Variants in PPP4R1 observed in about 807,000 individuals in gnomAD.
PPP4R1 encodes serine/threonine-protein phosphatase 4 regulatory subunit 1.
Under a neutral mutation model 111.2 loss-of-function variants are expected in PPP4R1, and 42 were observed. That is an observed-to-expected ratio of 0.38 (90% CI 0.29 to 0.49). The LOEUF is 0.49. Ranked by LOEUF, PPP4R1 falls within the 20% of genes least tolerant of loss-of-function variation. PPP4R1 has a pLI of 0.97. For synonymous variants in PPP4R1, 409 were observed against 405.5 expected (o/e 1.01, Z -0.10); for missense variants, 1,012 against 1,161.6 (o/e 0.87, Z 1.87).
At chr18:9,597,419 A>G (rs115461042) in intron 2 of PPP4R1, among the ~76,000 whole-genome samples, 4,905 of 152,298 alleles carry the variant, frequency 0.032, 87 homozygotes, top group Middle Eastern at 0.037. Flanking sequence ...CTTCACAGAG[A>G]AAGAACTTTA....
At chr18:9,616,608 C>A (rs761430607), upstream of PPP4R1, among the ~76,000 whole-genome samples, 1 of 152,064 alleles carries the variant, frequency 6.6e-6, no homozygotes, top group Non-Finnish European at 1.5e-5. Context: ...GTGGTCTCAC[C>A]GCAACAACAC....
intron 18 of PPP4R1, 114 bp from the exon 19 acceptor site, chr18:9,549,452 T>A (rs1207967545): frequency 1.1e-5 from 15 of 1,305,052 alleles, no homozygotes; most frequent in South Asian, 1.4e-5. Flanking sequence ...TATTGCTTTT[T>A]AACCAAAATT....
chr18:9,562,838 T>G, intron 12 of PPP4R1: 1 of 979,724 alleles, frequency 1.0e-6, no homozygotes, highest in Non-Finnish European at 1.2e-6. Flanking sequence ...GCTGGCTTGA[T>G]GGAGATGCAG....
At chr18:9,566,280 G>A (rs929021914) in intron 11 of PPP4R1, among the ~76,000 whole-genome samples, 39 of 152,052 alleles carry the variant, frequency 2.6e-4, no homozygotes, top group African/African-American at 9.2e-4. Flanking sequence ...CCTAGCTAAA[G>A]AGAAGTCAAT....
In PPP4R1 at chr18:9,546,957, A is replaced by C. The variant is rs1356909853; in HGVS notation, c.*832T>G. ...TTATTTGGACAAGAGAACTTGTGCC[A>C]CAACAGTTTAAACAGCATGATTAAA... On this transcript the variant is annotated 3_prime_UTR_variant, in exon 20 of 20. Transcript: ENST00000400556. The C allele has an allele frequency of 6.6e-6, 1 of 152,310 alleles. No individual in the cohort carries two copies. Among genetic ancestry groups the C allele is most frequent in the Non-Finnish European group, 1.5e-5 (1 of 68,046 alleles). The allele number at this position is 152,310 out of a possible 1,614,324, so 9.4% of individuals were successfully genotyped here. A position where few individuals can be genotyped will look rare whatever the true frequency, so the allele number is the denominator to read the frequency against.
In PPP4R1 at chr18:9,614,534, G is replaced by A; in HGVS notation, c.-50C>T. On this transcript the variant is annotated 5_prime_UTR_variant, in exon 1 of 20. Transcript: ENST00000400556. This position sits in a 1 kb window ranked among gnomAD's most constrained non-coding sequence, Gnocchi z 4.1. ...GCCGCCCGGGGAGCCGGGGCTACATGGAGCGGCGCGAGCCGGGGAGCCGGT... is the reference window on the plus strand; with the variant it reads ...GCCGCCCGGGGAGCCGGGGCTACATAGAGCGGCGCGAGCCGGGGAGCCGGT... 3 of 1,004,734 alleles carry A rather than the reference G, an allele frequency of 3.0e-6. No individual in the cohort carries two copies. The highest frequency in any genetic ancestry group is 3.6e-6 in the Non-Finnish European group (3 of 843,740). 62.2% of individuals were successfully genotyped at this position (1,004,734 alleles called of 1,614,324 possible).
chr18:9,599,234 T>C (rs1421805418), intron 2 of PPP4R1, among the ~76,000 whole-genome samples: 1 of 152,204 alleles, frequency 6.6e-6, no homozygotes, highest in Admixed American at 6.5e-5. Context: ...TATACTGTTA[T>C]AAAGCTCTTA....
intron 2 of PPP4R1, among the ~76,000 whole-genome samples, chr18:9,595,651 AAAC>A (rs1248020594): frequency 6.6e-6 from 1 of 152,214 alleles, no homozygotes; most frequent in Non-Finnish European, 1.5e-5. Context: ...GATGCTGGAG[AAAC>A]AACAATGAAA....
chr18:9,595,291 G>T, intron 2 of PPP4R1, 138 bp from the exon 3 acceptor site: 1 of 889,590 alleles, frequency 1.1e-6, no homozygotes. Flanking sequence ...CAATCCAGAA[G>T]CCACAAATAA....
In PPP4R1 at chr18:9,547,755, A is replaced by G. The variant is rs764498432; in HGVS notation, c.*34T>C. ...GAATGCCCACTGAACCTCGGCTCTC[A>G]TGGAAGCAGGAAAGACACCGAGATT... On this transcript the variant is annotated 3_prime_UTR_variant, in exon 20 of 20. Transcript: ENST00000400556. 1 of 1,609,450 alleles carries G rather than the reference A, an allele frequency of 6.2e-7. No homozygotes were observed. The highest frequency in any genetic ancestry group is 1.1e-5 in the South Asian group (1 of 90,932).
intron 2 of PPP4R1, among the ~76,000 whole-genome samples, chr18:9,606,808 G>C (rs2067489135): frequency 1.3e-5 from 2 of 152,114 alleles, no homozygotes; most frequent in African/African-American, 4.8e-5. Flanking sequence ...CAGAAAGGTA[G>C]TATAACAAAG....
At chr18:9,560,053 A>C (rs1235404749) in intron 13 of PPP4R1, among the ~76,000 whole-genome samples, 1 of 151,854 alleles carries the variant, frequency 6.6e-6, no homozygotes, top group Non-Finnish European at 1.5e-5. Flanking sequence ...CAGCACTTTG[A>C]GAAGCCAAGG....
chr18:9,548,131 AAG>A (rs2066428471), intron 19 of PPP4R1, among the ~76,000 whole-genome samples, 179 bp from the exon 20 acceptor site: 1 of 152,206 alleles, frequency 6.6e-6, no homozygotes, highest in Non-Finnish European at 1.5e-5. Flanking sequence ...CCAGAATAAA[AAG>A]AGTTATGAGA....
intron 9 of PPP4R1, among the ~76,000 whole-genome samples, chr18:9,578,293 T>C (rs1194802514): frequency 1.3e-5 from 2 of 152,194 alleles, no homozygotes; most frequent in African/African-American, 4.8e-5. Context: ...TGGAAAACAG[T>C]GGTGCTACCA....
At chr18:9,576,610 G>T (rs999155375) in intron 10 of PPP4R1, among the ~76,000 whole-genome samples, 1 of 151,870 alleles carries the variant, frequency 6.6e-6, no homozygotes, top group South Asian at 2.1e-4. Flanking sequence ...TCCAAGATGC[G>T]CAACTAAATT....
rs540669162 is a variant in PPP4R1, at chr18:9,609,849, T to C, written c.52+4377A>G. Reference sequence around the variant, plus strand: ...GCCATTTAAGAAAATATTCAAAATATGATATTTAGAATCAGAAGGCCTAGC... The same window carrying C: ...GCCATTTAAGAAAATATTCAAAATACGATATTTAGAATCAGAAGGCCTAGC... On this transcript the variant is annotated intron_variant, in intron 2 of 19. Transcript: ENST00000400556. Among the ~76,000 whole-genome samples the C allele has an allele frequency of 4.6e-5, 7 of 152,320 alleles. No homozygotes were observed. In the East Asian group the frequency reaches 5.8e-4, roughly 13 times the overall value.
chr18:9,549,873 G>T, intron 18 of PPP4R1, 179 bp downstream of exon 18: 1 of 883,840 alleles, frequency 1.1e-6, no homozygotes, highest in Non-Finnish European at 1.7e-6. Flanking sequence ...TTGGCTAGCT[G>T]GGAGAGAGGG....
Position 9,584,770 on chromosome 18 carries a change from G to A in PPP4R1, c.644C>T (p.Pro215Leu), listed in dbSNP as rs766514424. The A allele has an allele frequency of 6.2e-7, 1 of 1,613,790 alleles. No individual in the cohort carries two copies. The highest frequency in any genetic ancestry group is 8.5e-7 in the Non-Finnish European group (1 of 1,179,806). Residue 215 changes from proline to leucine, a missense_variant, in exon 7 of 20, where the codon CCT becomes CTT. Physicochemically the swap from Pro to Leu is moderately conservative, Grantham distance 98 (BLOSUM62 -3). Transcript: ENST00000400556. ...ATCGCAGCACATCTCACAAAACCTA[G>A]GGAGGATAAGACGCTCTGTAATATC... The part of the protein sequence containing the change: ...GKDITERLIL[P>L]RFCEMCCDCR...
rs1311302342 is a variant in PPP4R1 at position 9,577,291 on chromosome 18, G to A, written c.919-100C>T. On this transcript the variant is annotated intron_variant, in intron 9 of 19. Coordinates refer to ENST00000400556, the MANE Select transcript of PPP4R1 (RefSeq NM_001042388.3). ...TAATAATCTACTTTCAAATGCCGAA[G>A]TATGTTTAGGATAATAATGAAGCTT... 4.0e-6 allele frequency: 5 copies of A among 1,259,418 alleles called. No homozygotes were observed. In the East Asian group the frequency reaches 1.0e-4, roughly 26 times the overall value. 78.0% of individuals were successfully genotyped at this position (1,259,418 alleles called of 1,614,324 possible).
Sources: allele counts gnomAD v4.1 joint callset (sites outside exome capture counted in the v4.1 genomes callset), GRCh38; gene constraint gnomAD v4.1.1; non-coding constraint Gnocchi (gnomAD v3.1); transcripts MANE v1.5; gene names NCBI Gene and HGNC (gene_info 2026-07-23, HGNC 2026-07-21).